The following MPHOSPH10 variants were observed in gnomAD, a reference collection of about 807,000 sequenced individuals.
The protein encoded by MPHOSPH10 is M-phase phosphoprotein 10, also known as U3 small nucleolar ribonucleoprotein MPP10.
A neutral mutation model predicts 77.3 loss-of-function variants in MPHOSPH10; 33 were observed. The observed-to-expected ratio is 0.43, with a 90% CI of 0.32 to 0.57. MPHOSPH10 has a LOEUF of 0.57. MPHOSPH10 is among the 20% of genes least tolerant of loss of function. The pLI is 0.07. For missense variants in MPHOSPH10, 708 were observed against 780.1 expected, an observed-to-expected ratio of 0.91 and a Z score of 1.10; for synonymous variants, 245 against 268.0, an observed-to-expected ratio of 0.91 and a Z score of 0.84.
intron 1 of MPHOSPH10, among the ~76,000 whole-genome samples, chr2:71,132,074 A>G (rs1050232251): frequency 1.3e-5 from 2 of 152,010 alleles, no homozygotes; most frequent in Admixed American, 6.6e-5. Flanking sequence ...ATTTTTCTCT[A>G]TTCTATATCT....
At chr2:71,132,605 A>G (rs1673409596) in intron 1 of MPHOSPH10, among the ~76,000 whole-genome samples, 1 of 152,260 alleles carries the variant, frequency 6.6e-6, no homozygotes, top group African/African-American at 2.4e-5. Flanking sequence ...ATGGAGTGGT[A>G]TATAATGTAG....
rs1269697404 is a variant in MPHOSPH10, at chr2:71,130,721, G to T, written c.56G>T (p.Gly19Val). ...RTLERCLTEV[G>V]KATGRPECFL... ...CTGGAGCGGTGTCTGACGGAAGTCG[G>T]CAAAGCCACGGGTCGGCCCGAGTGC... Residue 19 changes from glycine to valine, a missense_variant, in exon 1 of 11, where the codon GGC (glycine) becomes GTC (valine). Transcript: ENST00000244230. The T allele has an allele frequency of 6.2e-7, 1 of 1,610,678 alleles. No individual in the cohort carries two copies. Among genetic ancestry groups the T allele is most frequent in the Non-Finnish European group, 8.5e-7 (1 of 1,179,198 alleles).
At chr2:71,148,271 C>T (rs1673755904) in intron 9 of MPHOSPH10, 165 bp downstream of exon 9, 1 of 585,786 alleles carries the variant, frequency 1.7e-6, no homozygotes, top group African/African-American at 1.8e-5. Context: ...TATTCAAATA[C>T]CAGTCTCCTA....
chr2:71,135,610 A>G (rs576525501), intron 4 of MPHOSPH10, among the ~76,000 whole-genome samples: 7 of 151,404 alleles, frequency 4.6e-5, no homozygotes, highest in Non-Finnish European at 8.8e-5. Context: ...TTATATGTAT[A>G]GCATGTCTCT....
chr2:71,149,983 C>A lies in MPHOSPH10; in HGVS notation c.2014C>A (p.Gln672Lys), dbSNP rs1553442803. The A allele has an allele frequency of 1.1e-5, 16 of 1,432,972 alleles. No individual in the cohort carries two copies. The South Asian group carries it at 2.1e-4, about 18-fold the overall frequency. 88.8% of individuals were successfully genotyped at this position (1,432,972 alleles called of 1,614,324 possible). Residue 672 changes from glutamine to lysine, a missense_variant, in exon 11 of 11, where the codon CAG (glutamine) becomes AAG (lysine). By Grantham distance (53) the Gln-to-Lys change is moderately conservative. Transcript: ENST00000244230. The part of the protein sequence containing the change: ...KKTEKKKKKR[Q>K]DISVHKLKL Reference sequence around the variant, plus strand: ...AACAGAAAAGAAAAAGAAGAAAAGACAGGATATTTCTGTTCATAAATTAAA... The same window carrying A: ...AACAGAAAAGAAAAAGAAGAAAAGAAAGGATATTTCTGTTCATAAATTAAA...
rs1673752978 is a variant in MPHOSPH10, at chr2:71,148,117, A to C, written c.1665+11A>C. On this transcript the variant is annotated intron_variant, in intron 9 of 10. Transcript: ENST00000244230. Reference sequence around the variant, plus strand: ...CCAGAGGAGATCAAGGTAAGAAGCCAATGTTGAAACCTTAAATGTCTGTTA... The same window carrying C: ...CCAGAGGAGATCAAGGTAAGAAGCCCATGTTGAAACCTTAAATGTCTGTTA... The C allele has an allele frequency of 6.3e-7, 1 of 1,598,896 alleles. No individual in the cohort carries two copies. Among genetic ancestry groups the C allele is most frequent in the Non-Finnish European group, 8.6e-7 (1 of 1,166,228 alleles).
In MPHOSPH10 at chr2:71,133,154, G is replaced by A; in HGVS notation, c.346G>A (p.Glu116Lys). 1 of 1,614,172 alleles carries A rather than the reference G, an allele frequency of 6.2e-7. No homozygotes were observed. The highest frequency in any genetic ancestry group is 8.5e-7 in the Non-Finnish European group (1 of 1,180,006). ...CCCAGAGAGTGAAGAACAGGAACGT[G>A]AAGAGGATGGTTCAGAGATAGAGGC... Reference protein sequence around the residue: ...LLPESEEQEREEDGSEIEADD... With the variant: ...LLPESEEQERKEDGSEIEADD... Residue 116 changes from glutamate to lysine, a missense_variant, in exon 2 of 11, where the codon GAA becomes AAA. Transcript: ENST00000244230.
At chr2:71,144,837 G>A (rs553948257) in intron 8 of MPHOSPH10, among the ~76,000 whole-genome samples, 1 of 151,960 alleles carries the variant, frequency 6.6e-6, no homozygotes, top group East Asian at 1.9e-4. Context: ...TAGCCACAGG[G>A]ACTCCTCCTT....
intron 6 of MPHOSPH10, 40 bp from the exon 7 acceptor site, chr2:71,141,192 T>C (rs535693119): frequency 2.3e-6 from 3 of 1,301,300 alleles, no homozygotes; most frequent in East Asian, 3.0e-5. Context: ...AGAAATAAAT[T>C]GTAGGTTTTG....
intron 4 of MPHOSPH10, 111 bp from the exon 5 acceptor site, chr2:71,138,379 C>T (rs357757): frequency 0.31 from 263,269 of 860,988 alleles, 41,436 homozygotes; most frequent in Admixed American, 0.41. Flanking sequence ...AGAACAGAAT[C>T]GTAGAACAGT....
intron 7 of MPHOSPH10, among the ~76,000 whole-genome samples, chr2:71,141,822 G>A (rs188217922): frequency 6.6e-6 from 1 of 152,138 alleles, no homozygotes; most frequent in Non-Finnish European, 1.5e-5. Context: ...TTGAGGTCAG[G>A]AGTTTTAGAC....
At chr2:71,130,886 GT>G in intron 1 of MPHOSPH10, 132 bp downstream of exon 1, 1 of 818,550 alleles carries the variant, frequency 1.2e-6, no homozygotes, top group Non-Finnish European at 1.9e-6. Context: ...AAATTTCAGA[GT>G]TTATGCTTTC....
rs1357339556 is a variant in MPHOSPH10, at chr2:71,149,885, C to G, written c.1916C>G (p.Ala639Gly). The change falls in exon 11 of 11, where the codon GCC becomes GGC. Residue 639 changes from alanine to glycine, a missense_variant. Ala to Gly is a moderately conservative substitution (Grantham distance 60). This residue lies in a region of MPHOSPH10 where 263 missense variants were observed against 320.0 expected (regional missense o/e 0.82). Transcript: ENST00000244230. ...SFIKDEGKDK[A>G]LKSSQAFFSK... is the part of the protein sequence containing the mutation. ...TTGCAGGATGAAGGTAAAGACAAGG[C>G]CTTAAAGTCCTCTCAAGCATTCTTT... 3 of 1,560,642 alleles carry G rather than the reference C, an allele frequency of 1.9e-6. No individual in the cohort carries two copies. The highest frequency in any genetic ancestry group is 2.6e-6 in the Non-Finnish European group (3 of 1,162,864).
Position 71,133,260 on chromosome 2 carries a change from G to C in MPHOSPH10, c.452G>C (p.Arg151Thr), listed in dbSNP as rs753327411. ...AATGATGATCCTGAAATGGGTGAGA[G>C]AGCTGAAAACTCAAGCAAATCTGAT... ...MGNDDPEMGERAENSSKSDLR... is the reference protein window; with the variant it reads ...MGNDDPEMGETAENSSKSDLR... Residue 151 changes from arginine (R) to threonine (T), a missense_variant, in exon 2 of 11, where the codon AGA (arginine) becomes ACA (threonine). Physicochemically the swap from Arg to Thr is moderately conservative, Grantham distance 71. Transcript: ENST00000244230. The C allele has an allele frequency of 3.7e-6, 6 of 1,614,146 alleles. No homozygotes were observed. Among genetic ancestry groups the C allele is most frequent in the South Asian group, 1.1e-5 (1 of 91,078 alleles).
Position 71,134,031 on chromosome 2 carries a change from T to G in MPHOSPH10, c.852T>G (p.Asp284Glu), listed in dbSNP as rs138051249. The G allele has an allele frequency of 5.2e-4, 835 of 1,609,884 alleles. 8 individuals carry two copies. The African/African-American group carries it at 9.4e-3, about 18-fold the overall frequency. The change falls in exon 3 of 11, where the codon GAT (aspartate) becomes GAG (glutamate). Residue 284 changes from aspartate to glutamate, a missense_variant. Transcript: ENST00000244230. ...ATGAAGACATAACAAATGTTCATGATGATGAGCTGGATTCAAACAAAGAAG... is the reference window on the plus strand; with the variant it reads ...ATGAAGACATAACAAATGTTCATGAGGATGAGCTGGATTCAAACAAAGAAG... ...ESDEDITNVH[D>E]DELDSNKEDD... is the part of the protein sequence containing the mutation.
Position 71,133,982 on chromosome 2 carries a change from A to AT in MPHOSPH10, c.810dup (p.Asp271Ter). The AT allele has an allele frequency of 6.3e-7, 1 of 1,588,854 alleles. No individual in the cohort carries two copies. Reference sequence around the variant, plus strand: ...AGTTCCAGAAATCTGAAATACAAAGATTTTTTTGATCCAGTTGAAAGTGAT... The same window carrying AT: ...AGTTCCAGAAATCTGAAATACAAAGATTTTTTTTGATCCAGTTGAAAGTGAT... On this transcript the variant is annotated frameshift_variant, in exon 3 of 11. Transcript: ENST00000244230. LOFTEE classifies it high-confidence loss of function.
intron 4 of MPHOSPH10, among the ~76,000 whole-genome samples, chr2:71,137,677 AAGAT>A (rs1289553792): frequency 6.6e-6 from 1 of 151,150 alleles, no homozygotes; most frequent in Non-Finnish European, 1.5e-5. Context: ...AAAAAAAAAA[AAGAT>A]TAGGAATACT....
intron 1 of MPHOSPH10, among the ~76,000 whole-genome samples, chr2:71,131,495 C>T (rs1032110994): frequency 6.6e-6 from 1 of 152,202 alleles, no homozygotes; most frequent in Admixed American, 6.5e-5. Context: ...TTTTCCCATG[C>T]TACACCTGTC....
chr2:71,150,011 T>C lies in MPHOSPH10; in HGVS notation c.2042T>C (p.Leu681Pro). Reference sequence around the variant, plus strand: ...GATATTTCTGTTCATAAATTAAAGCTGTAATATATTTTGAATATAATGTAA... The same window carrying C: ...GATATTTCTGTTCATAAATTAAAGCCGTAATATATTTTGAATATAATGTAA... ...RQDISVHKLKL is the reference protein window; with the variant it reads ...RQDISVHKLKP Residue 681 changes from leucine to proline, a missense_variant, in exon 11 of 11, where the codon CTG (leucine) becomes CCG (proline). Physicochemically the swap from Leu to Pro is moderately conservative, Grantham distance 98. Transcript: ENST00000244230. 7.7e-7 allele frequency: 1 copy of C among 1,290,750 alleles called. No individual in the cohort carries two copies. The highest frequency in any genetic ancestry group is 1.1e-6 in the Non-Finnish European group (1 of 934,824). 80.0% of individuals were successfully genotyped at this position (1,290,750 alleles called of 1,614,324 possible).
Sources: gnomAD v4.1 joint callset for allele counts (sites outside exome capture counted in the v4.1 genomes callset) on GRCh38, gnomAD v4.1.1 for gene constraint, gnomAD v4.1.1 regional missense constraint, MANE v1.5 for transcripts, NCBI Gene and HGNC (gene_info 2026-07-23, HGNC 2026-07-21) for gene names.